TRAPPC8: variants seen among roughly 807,000 people sequenced by gnomAD.
TRAPPC8 encodes general sporulation gene 1 homolog.
Under a neutral mutation model 174.3 loss-of-function variants are expected in TRAPPC8, and 54 were observed. That is an observed-to-expected ratio of 0.31 (90% CI 0.25 to 0.39). TRAPPC8 has a LOEUF of 0.39. Among genes scored for constraint, TRAPPC8 ranks in the 10% least tolerant of loss-of-function variants. The pLI is 1.00. For synonymous variants in TRAPPC8, 630 were observed against 579.9 expected (o/e 1.09, Z -1.24); for missense variants, 1,531 against 1,699.1 (o/e 0.90, Z 1.74).
Position 31,830,655 on chromosome 18 carries a change from T to C in TRAPPC8, c.*100A>G. The C allele has an allele frequency of 1.0e-6, 1 of 982,164 alleles. No homozygotes were observed. The highest frequency in any genetic ancestry group is 1.5e-6 in the Non-Finnish European group (1 of 669,312). The allele number at this position is 982,164 out of a possible 1,614,324, so 60.8% of individuals were successfully genotyped here. A position where few individuals can be genotyped will look rare whatever the true frequency, so the allele number is the denominator to read the frequency against. On this transcript the variant is annotated 3_prime_UTR_variant, in exon 29 of 29. Transcript: ENST00000283351. ...CAAAGTATTTTGCAGGGATCAGATATCAATCAACCTCCATAACAAGTTAGG... is the reference window on the plus strand; with the variant it reads ...CAAAGTATTTTGCAGGGATCAGATACCAATCAACCTCCATAACAAGTTAGG...
intron 3 of TRAPPC8, 68 bp downstream of exon 3, chr18:31,917,510 T>G: frequency 6.9e-7 from 1 of 1,440,896 alleles, no homozygotes; most frequent in Non-Finnish European, 9.5e-7. Context: ...TTGCCTTCAT[T>G]AACTATTTCT....
At chr18:31,874,752 A>T in intron 12 of TRAPPC8, 48 bp from the exon 13 acceptor site, 2 of 1,494,784 alleles carry the variant, frequency 1.3e-6, no homozygotes, top group Non-Finnish European at 1.8e-6. Flanking sequence ...AATTTGTTTG[A>T]ACTAGAAAAA....
chr18:31,871,100 G>C lies in TRAPPC8; in HGVS notation c.2083C>G (p.His695Asp). 1 of 1,556,910 alleles carries C rather than the reference G, an allele frequency of 6.4e-7. No individual in the cohort carries two copies. Among genetic ancestry groups the C allele is most frequent in the Non-Finnish European group, 8.7e-7 (1 of 1,147,024 alleles). ...PADGEKQAAT[H>D]VSLDQEYDSE... ...TCATATTCTTGATCAAGACTTACATGAGTAGCTGCTTGTTTTTCACCTAAA... is the reference window on the plus strand; with the variant it reads ...TCATATTCTTGATCAAGACTTACATCAGTAGCTGCTTGTTTTTCACCTAAA... The change falls in exon 15 of 29, where the codon CAT becomes GAT. Residue 695 changes from histidine (H) to aspartate (D), a missense_variant. Coordinates refer to ENST00000283351, the MANE Select transcript of TRAPPC8 (RefSeq NM_014939.5).
At chr18:31,882,147 G>A (rs2035485662) in intron 12 of TRAPPC8, among the ~76,000 whole-genome samples, 1 of 152,074 alleles carries the variant, frequency 6.6e-6, no homozygotes, top group East Asian at 1.9e-4. Context: ...AAAGACACCT[G>A]TATTCTTATG....
intron 1 of TRAPPC8, among the ~76,000 whole-genome samples, chr18:31,936,087 GCACA>G (rs1376455168): frequency 1.3e-5 from 2 of 151,848 alleles, no homozygotes; most frequent in African/African-American, 4.8e-5. Flanking sequence ...GGGTGTGATG[GCACA>G]CACCTGTGTG....
chr18:31,876,130 C>T (rs62095510), intron 12 of TRAPPC8, among the ~76,000 whole-genome samples: 38,238 of 152,006 alleles, frequency 0.25, 5,370 homozygotes, highest in South Asian at 0.52. Context: ...GAAATTATCA[C>T]GTATTATACC....
Position 31,908,770 on chromosome 18 carries a change from C to A in TRAPPC8, c.1106G>T (p.Arg369Met), listed in dbSNP as rs751989678. ...GLLPHIEKTI[R>M]QLNDQLISRK... ...AAACCTTACCTGATCGTTTAATTGC[C>A]TAATTGTTTTCTCTATATGTGGCAA... The change falls in exon 7 of 29, where the codon AGG (arginine) becomes ATG (methionine). Residue 369 changes from arginine to methionine, a missense_variant. Physicochemically the swap from Arg to Met is moderately conservative, Grantham distance 91. Transcript: ENST00000283351. The A allele has an allele frequency of 7.0e-5, 112 of 1,601,654 alleles. No individual in the cohort carries two copies. Among genetic ancestry groups the A allele is most frequent in the Non-Finnish European group, 9.3e-5 (109 of 1,172,322 alleles).
intron 27 of TRAPPC8, among the ~76,000 whole-genome samples, chr18:31,834,049 GATACTA>G (rs2144917561): frequency 6.7e-6 from 1 of 150,342 alleles, no homozygotes; most frequent in Non-Finnish European, 1.5e-5. Context: ...GTTCCCAGAT[GATACTA>G]ATACTAATGC....
chr18:31,852,842 C>T (rs2033784266), intron 22 of TRAPPC8, 179 bp from the exon 23 acceptor site: 2 of 590,924 alleles, frequency 3.4e-6, no homozygotes, highest in African/African-American at 1.9e-5. Context: ...GGATAAATTT[C>T]AATTTTCTCA....
chr18:31,930,105 C>T (rs181388074), intron 2 of TRAPPC8, among the ~76,000 whole-genome samples: 6 of 151,706 alleles, frequency 4.0e-5, no homozygotes, highest in African/African-American at 1.2e-4. Context: ...AAATTCTCTG[C>T]GTATGTTTAG....
At chr18:31,854,965 CAAAA>C (rs71175798) in intron 21 of TRAPPC8, among the ~76,000 whole-genome samples, 6 of 45,658 alleles carry the variant, frequency 1.3e-4, no homozygotes, top group Admixed American at 5.9e-4. Flanking sequence ...GACTCCATCT[CAAAA>C]AAAAAAAAAA....
chr18:31,933,581 A>T (rs2037948010), intron 1 of TRAPPC8, among the ~76,000 whole-genome samples: 1 of 152,190 alleles, frequency 6.6e-6, no homozygotes, highest in African/African-American at 2.4e-5. Context: ...AGCAGCAGAT[A>T]CAACATCACC....
intron 9 of TRAPPC8, 88 bp from the exon 10 acceptor site, chr18:31,901,113 C>A: frequency 1.7e-6 from 2 of 1,203,992 alleles, no homozygotes; most frequent in South Asian, 1.5e-5. Context: ...ATGAAATTTG[C>A]TGTTTTTTTT....
At position 31,909,536 on chromosome 18, in the gene TRAPPC8, AAACT is replaced by A; in HGVS notation, c.865+127_865+130del. On this transcript the variant is annotated intron_variant, in intron 6 of 28. Coordinates refer to ENST00000283351, the MANE Select transcript of TRAPPC8 (RefSeq NM_014939.5). ...TAGCTCAGTAAAATCTTCAGAAGAAAAACTAACCTGCCCAATATCTTTCTGTATT... is the reference window on the plus strand; with the variant it reads ...TAGCTCAGTAAAATCTTCAGAAGAAAAACCTGCCCAATATCTTTCTGTATT... The A allele has an allele frequency of 2.9e-6, 4 of 1,398,542 alleles. No homozygotes were observed. The South Asian group carries it at 6.6e-5, about 23-fold the overall frequency. The allele number at this position is 1,398,542 out of a possible 1,614,324, so 86.6% of individuals were successfully genotyped here.
intron 12 of TRAPPC8, among the ~76,000 whole-genome samples, chr18:31,885,531 T>C (rs757761568): frequency 1.1e-4 from 16 of 152,130 alleles, no homozygotes; most frequent in Non-Finnish European, 1.8e-4. Context: ...GGTTATGCTA[T>C]GGTTATGTAA....
intron 1 of TRAPPC8, among the ~76,000 whole-genome samples, chr18:31,936,772 C>A (rs1361235001): frequency 6.6e-6 from 1 of 151,274 alleles, no homozygotes; most frequent in African/African-American, 2.4e-5. Flanking sequence ...AGTGGTGGCC[C>A]GTGCCTGTAA....
rs34176695 is a variant in TRAPPC8 at position 31,907,604 on chromosome 18, C to T, written c.1245G>A (p.Pro415=). The T allele has an allele frequency of 3.7e-6, 6 of 1,603,800 alleles. No individual in the cohort carries two copies. The highest frequency in any genetic ancestry group is 3.4e-5 in the South Asian group (3 of 88,802). Residue 415 remains proline (P), a synonymous_variant, in exon 9 of 29, where the codon CCG becomes CCA. Coordinates refer to ENST00000283351, the MANE Select transcript of TRAPPC8 (RefSeq NM_014939.5). ...DLKNTSGLLY[P]PEAPELQIRK... ...TGATTTGAAGTTCTGGTGCTTCCGG[C>T]GGATACCTGTAAATACAAAAGAAAA...
At chr18:31,848,694 T>G (rs1458367427) in intron 25 of TRAPPC8, among the ~76,000 whole-genome samples, 2 of 152,186 alleles carry the variant, frequency 1.3e-5, no homozygotes, top group Non-Finnish European at 2.9e-5. Context: ...TCACCTAGTA[T>G]GAACATGTCT....
rs560690112 is a variant in TRAPPC8 at position 31,915,354 on chromosome 18, G to A, written c.617+918C>T. On this transcript the variant is annotated intron_variant, in intron 4 of 28. Transcript: ENST00000283351. Reference sequence around the variant, plus strand: ...CATGTGCCTGTAATCCCAGCTACCCGGGAGGCTGAGGCAGGAGAATCGCTG... The same window carrying A: ...CATGTGCCTGTAATCCCAGCTACCCAGGAGGCTGAGGCAGGAGAATCGCTG... Among the ~76,000 whole-genome samples the A allele has an allele frequency of 1.3e-4, 20 of 151,644 alleles. No individual in the cohort carries two copies. In the South Asian group the frequency reaches 3.1e-3, roughly 24 times the overall value.
Sources: allele counts gnomAD v4.1 joint callset (sites outside exome capture counted in the v4.1 genomes callset), GRCh38; gene constraint gnomAD v4.1.1; transcripts MANE v1.5; gene names NCBI Gene and HGNC (gene_info 2026-07-23, HGNC 2026-07-21).